Variants in SCRG1 observed in about 807,000 individuals in gnomAD.
The protein encoded by SCRG1 is stimulator of chondrogenesis 1.
In SCRG1, 3 loss-of-function variants were observed where a neutral mutation model predicts 7.7. The observed-to-expected ratio is 0.39, with a 90% CI of 0.18 to 1.01. The LOEUF (loss-of-function observed/expected upper bound fraction) is 1.01. SCRG1 is among the 50% of genes least tolerant of loss of function. The probability of loss-of-function intolerance (pLI) is 0.36; values close to 1 mark genes in which losing one functional copy is unlikely to be tolerated. For synonymous variants in SCRG1, 46 were observed against 41.2 expected, an observed-to-expected ratio of 1.12 and a Z score of -0.44; for missense variants, 110 against 117.2, an observed-to-expected ratio of 0.94 and a Z score of 0.28.
the SCRG1 span, among the ~76,000 whole-genome samples, chr4:173,416,899 C>T: frequency 7.5e-6 from 1 of 132,770 alleles, no homozygotes; most frequent in African/African-American, 2.9e-5. Context: ...CACATCATCA[C>T]ACACACACCC....
the SCRG1 span, chr4:173,470,135 T>C: frequency 2.7e-5 from 4 of 150,358 alleles, no homozygotes; most frequent in African/African-American, 2.5e-5. Flanking sequence ...TTTTTTTTTT[T>C]TTTTTTTGCA....
chr4:173,484,300 A>G, the SCRG1 span, among the ~76,000 whole-genome samples: 1 of 76,068 alleles, frequency 1.3e-5, no homozygotes, highest in Admixed American at 2.3e-4. Context: ...TGTAATGTAT[A>G]TTTTATATAT....
chr4:173,483,831 A>ATGATATATCATATATC, the SCRG1 span, among the ~76,000 whole-genome samples: 1 of 15,462 alleles, frequency 6.5e-5, no homozygotes, highest in African/African-American at 1.4e-4. Context: ...TAATATATAT[A>ATGATATATCATATATC]ATATATAATA....
chr4:173,402,227 A>ATT (rs539155824), upstream of SCRG1, among the ~76,000 whole-genome samples: 5 of 152,162 alleles, frequency 3.3e-5, no homozygotes, highest in South Asian at 8.3e-4. Context: ...CCAGCTATGT[A>ATT]TTTTTATGTG....
the SCRG1 span, among the ~76,000 whole-genome samples, chr4:173,516,021 A>G: frequency 6.6e-6 from 1 of 152,226 alleles, no homozygotes; most frequent in African/African-American, 2.4e-5. Flanking sequence ...AAGGGGCCCA[A>G]CTGGGTGCCC....
the SCRG1 span, among the ~76,000 whole-genome samples, chr4:173,494,098 G>A: frequency 2.6e-5 from 4 of 152,074 alleles, no homozygotes; most frequent in African/African-American, 4.8e-5. Context: ...TTCTTTATAA[G>A]TACGCATATA....
In SCRG1 at chr4:173,399,020, G is replaced by A. The variant is rs147638478; in HGVS notation, c.-15+48C>T. 30 of 152,312 alleles carry A rather than the reference G, an allele frequency of 2.0e-4. No individual in the cohort carries two copies. In the East Asian group the frequency reaches 5.6e-3, roughly 28 times the overall value. 9.4% of individuals were successfully genotyped at this position (152,312 alleles called of 1,614,324 possible). On this transcript the variant is annotated intron_variant, in intron 1 of 2. Coordinates refer to ENST00000296506, the MANE Select transcript of SCRG1 (RefSeq NM_007281.4). ...CTCTAATCTACAGTAATACTTTGGA[G>A]TAGAACAACTGACATAAGATGTTTT...
At chr4:173,442,856 G>A in the SCRG1 span, among the ~76,000 whole-genome samples, 1 of 152,132 alleles carries the variant, frequency 6.6e-6, no homozygotes. Context: ...TACTCATGAG[G>A]TCAGGGTCCT....
the SCRG1 span, among the ~76,000 whole-genome samples, chr4:173,502,480 A>G: frequency 6.6e-6 from 1 of 152,202 alleles, no homozygotes; most frequent in Non-Finnish European, 1.5e-5. This position sits in a 1 kb window ranked among gnomAD's most constrained non-coding sequence, Gnocchi z 4.6. Context: ...AATAAAGTTC[A>G]TGTGACGGAG....
chr4:173,516,811 G>T, the SCRG1 span, among the ~76,000 whole-genome samples: 2 of 152,218 alleles, frequency 1.3e-5, no homozygotes, highest in Non-Finnish European at 2.9e-5. Context: ...ACTCCACCGC[G>T]GCGCCGAGGG....
At chr4:173,401,635 T>G (rs1266640585), upstream of SCRG1, among the ~76,000 whole-genome samples, 1 of 152,232 alleles carries the variant, frequency 6.6e-6, no homozygotes, top group Non-Finnish European at 1.5e-5. Flanking sequence ...CCATACAATA[T>G]GCTTGGCATT....
rs1484367848 is a variant in SCRG1, at chr4:173,391,246, C to A, written c.169G>T (p.Asp57Tyr). 6.2e-7 allele frequency: 1 copy of A among 1,614,150 alleles called. No homozygotes were observed. Among genetic ancestry groups the A allele is most frequent in the Middle Eastern group, 1.6e-4 (1 of 6,062 alleles). Residue 57 changes from aspartate (D) to tyrosine (Y), a missense_variant, in exon 2 of 3, where the codon GAT becomes TAT. Asp to Tyr is a radical substitution (Grantham distance 160). Transcript: ENST00000296506. ...DLTQIDVNVQ[D>Y]HFWDGKGCEM... Reference sequence around the variant, plus strand: ...CATCCCTTCCCATCCCAGAAATGATCCTGGACATTGACATCAATCTGTGTC... The same window carrying A: ...CATCCCTTCCCATCCCAGAAATGATACTGGACATTGACATCAATCTGTGTC...
At chr4:173,402,327 A>G (rs1369434374), upstream of SCRG1, among the ~76,000 whole-genome samples, 1 of 152,242 alleles carries the variant, frequency 6.6e-6, no homozygotes, top group Non-Finnish European at 1.5e-5. Context: ...TGTTAGAAAT[A>G]GAAAATCCTC....
At chr4:173,452,133 G>A in the SCRG1 span, among the ~76,000 whole-genome samples, 2 of 151,460 alleles carry the variant, frequency 1.3e-5, no homozygotes, top group African/African-American at 4.8e-5. Flanking sequence ...CTACTCAAGA[G>A]GCTGAGGCGG....
the SCRG1 span, among the ~76,000 whole-genome samples, chr4:173,483,422 A>ATGATATATATTATATATTATATTC: frequency 1.8e-5 from 1 of 54,594 alleles, no homozygotes; most frequent in South Asian, 5.8e-4. Context: ...ATATTATATC[A>ATGATATATATTATATATTATATTC]TGATATAGTA....
chr4:173,497,118 AAAC>A, the SCRG1 span, among the ~76,000 whole-genome samples: 43 of 152,208 alleles, frequency 2.8e-4, no homozygotes, highest in Middle Eastern at 3.4e-3. Flanking sequence ...AAAAACAAAA[AAAC>A]AACAACAACA....
At chr4:173,432,803 A>G in the SCRG1 span, among the ~76,000 whole-genome samples, 1 of 152,202 alleles carries the variant, frequency 6.6e-6, no homozygotes, top group Non-Finnish European at 1.5e-5. Flanking sequence ...GCTACCCTAT[A>G]TGTTTAAGGC....
rs555353668 is a variant in SCRG1 at position 173,392,067 on chromosome 4, A to G, written c.-14-639T>C. ...GGTATAAACTCAGGCAAATTTCTAG[A>G]ACAAATAACATAATTGAATACAGTG... On this transcript the variant is annotated intron_variant, in intron 1 of 2. Coordinates refer to ENST00000296506, the MANE Select transcript of SCRG1 (RefSeq NM_007281.4). 1.2e-3 allele frequency among the ~76,000 whole-genome samples: 184 copies of G among 152,350 alleles called. 1 individual carries two copies. Among genetic ancestry groups the G allele is most frequent in the Non-Finnish European group, 2.2e-3 (147 of 68,036 alleles).
chr4:173,485,043 T>A, the SCRG1 span, among the ~76,000 whole-genome samples: 10,158 of 16,994 alleles, frequency 0.6, 3,687 homozygotes, highest in East Asian at 0.86. Flanking sequence ...ATATTATATA[T>A]TATATAATAT....
Sources: gnomAD v4.1 joint callset for allele counts (sites outside exome capture counted in the v4.1 genomes callset) on GRCh38, gnomAD v4.1.1 for gene constraint, Gnocchi (gnomAD v3.1) non-coding constraint, MANE v1.5 for transcripts, NCBI Gene and HGNC (gene_info 2026-07-23, HGNC 2026-07-21) for gene names.